The following SHISAL1 variants were observed in gnomAD, a reference collection of about 807,000 sequenced individuals.
SHISAL1 encodes shisa like 1.
SHISAL1 carries 9 observed loss-of-function variants against 22.6 expected under a neutral mutation model. The observed-to-expected ratio is 0.40, with a 90% CI of 0.24 to 0.70. The LOEUF (loss-of-function observed/expected upper bound fraction) is 0.70. Among genes scored for constraint, SHISAL1 ranks in the 30% least tolerant of loss-of-function variants. The probability of loss-of-function intolerance (pLI) is 0.39; values close to 1 mark genes in which losing one functional copy is unlikely to be tolerated. For missense variants in SHISAL1, 246 were observed against 270.6 expected, an observed-to-expected ratio of 0.91 and a Z score of 0.64; for synonymous variants, 119 against 115.4, an observed-to-expected ratio of 1.03 and a Z score of -0.20.
At chr22:44,289,753 G>C (rs1450347415) in intron 3 of SHISAL1, among the ~76,000 whole-genome samples, 1 of 152,194 alleles carries the variant, frequency 6.6e-6, no homozygotes, top group African/African-American at 2.4e-5. Context: ...CAGCCAGCTG[G>C]GAAGATTCAG....
the SHISAL1 span, among the ~76,000 whole-genome samples, chr22:44,330,557 G>A: frequency 5.9e-5 from 9 of 152,296 alleles, no homozygotes; most frequent in South Asian, 1.9e-3. Flanking sequence ...CAAGAGTGGG[G>A]GAGACCCTAG....
At chr22:44,322,800 C>T in the SHISAL1 span, among the ~76,000 whole-genome samples, 1 of 152,254 alleles carries the variant, frequency 6.6e-6, no homozygotes, top group Non-Finnish European at 1.5e-5. Flanking sequence ...TCCAGCTACA[C>T]AACGCATCCC....
chr22:44,318,508 A>C, the SHISAL1 span, among the ~76,000 whole-genome samples: 1 of 152,208 alleles, frequency 6.6e-6, no homozygotes, highest in African/African-American at 2.4e-5. Context: ...CAGGACGTGC[A>C]GGCTGGCCTG....
intron 2 of SHISAL1, among the ~76,000 whole-genome samples, chr22:44,300,356 C>G (rs1183736639): frequency 6.6e-6 from 1 of 152,200 alleles, no homozygotes; most frequent in Non-Finnish European, 1.5e-5. Context: ...GCTCTCAGCT[C>G]TAGCTGGGAG....
chr22:44,330,798 C>T, the SHISAL1 span, among the ~76,000 whole-genome samples: 21 of 152,204 alleles, frequency 1.4e-4, no homozygotes, highest in African/African-American at 5.1e-4. Context: ...CCGAGGCTGC[C>T]GCCGGGCCGG....
intron 4 of SHISAL1, among the ~76,000 whole-genome samples, chr22:44,267,925 C>G (rs947082852): frequency 7.9e-5 from 12 of 152,254 alleles, no homozygotes; most frequent in African/African-American, 2.9e-4. Context: ...CTGTCCTTAT[C>G]CTGCAGGCCC....
chr22:44,309,135 A>T (rs1229771793), intron 1 of SHISAL1, among the ~76,000 whole-genome samples: 1 of 152,008 alleles, frequency 6.6e-6, no homozygotes. Flanking sequence ...TCCTGACCCC[A>T]CTGGTCAGGG....
At chr22:44,318,343 G>C in the SHISAL1 span, among the ~76,000 whole-genome samples, 3 of 152,262 alleles carry the variant, frequency 2.0e-5, no homozygotes, top group Admixed American at 2.0e-4. Context: ...CAAATTTCTG[G>C]GGAATGGAGA....
rs116169389 is a variant in SHISAL1, at chr22:44,307,633, G to T, written c.-33+5118C>A. Among the ~76,000 whole-genome samples, 720 of 152,300 alleles carry T rather than the reference G, an allele frequency of 4.7e-3. 10 individuals carry two copies. Among genetic ancestry groups the T allele is most frequent in the African/African-American group, 0.016 (683 of 41,558 alleles). On this transcript the variant is annotated intron_variant, in intron 1 of 4. Transcript: ENST00000381176. Reference sequence around the variant, plus strand: ...GGACGTTCCTGAACGCTCGTTGTTTGACCATGGCCAGAATCACGAGTCAGG... The same window carrying T: ...GGACGTTCCTGAACGCTCGTTGTTTTACCATGGCCAGAATCACGAGTCAGG...
At position 44,255,993 on chromosome 22, in the gene SHISAL1, C is replaced by T. The variant is rs76819989; in HGVS notation, c.*-6308G>A. On this transcript the variant is annotated intron_variant, in intron 4 of 4. Coordinates refer to ENST00000381176, the MANE Select transcript of SHISAL1 (RefSeq NM_001099294.2). ...TCCTCCCCTGTGCAGGTGGCTTCAT[C>T]CAACCCGCTGGAGGCCTAAACAGAA... Among the ~76,000 whole-genome samples the T allele has an allele frequency of 8.6e-3, 1,313 of 152,292 alleles. 20 individuals carry two copies. The highest frequency in any genetic ancestry group is 0.03 in the African/African-American group (1,250 of 41,562).
intron 1 of SHISAL1, among the ~76,000 whole-genome samples, chr22:44,305,581 C>G (rs3918403): frequency 0.72 from 108,984 of 152,192 alleles, 39,280 homozygotes; most frequent in East Asian, 0.9. Context: ...TTAGGAGTTC[C>G]AGGGACTGGG....
chr22:44,258,346 G>A (rs1360201228), intron 4 of SHISAL1, among the ~76,000 whole-genome samples: 1 of 152,132 alleles, frequency 6.6e-6, no homozygotes, highest in Admixed American at 6.5e-5. Context: ...TAAATATGCA[G>A]GACGTGCAGG....
At chr22:44,266,423 C>T (rs1207355214) in intron 4 of SHISAL1, among the ~76,000 whole-genome samples, 6 of 92,882 alleles carry the variant, frequency 6.5e-5, no homozygotes, top group Non-Finnish European at 1.2e-4. Context: ...TGTTGGGGGG[C>T]TGTGTGTGTG....
In SHISAL1 at chr22:44,249,678, A is replaced by G. The variant is rs1443310548; in HGVS notation, c.*7T>C. 1.3e-6 allele frequency: 1 copy of G among 779,558 alleles called. No homozygotes were observed. Among genetic ancestry groups the G allele is most frequent in the South Asian group, 1.3e-5 (1 of 74,542 alleles). The allele number at this position is 779,558 out of a possible 1,614,324, so 48.3% of individuals were successfully genotyped here. ...CTCCCCCATCCTGAGGCACAGCAAA[A>G]GCGTTTTCTGGAGGAAATACAAGGA... On this transcript the variant is annotated 3_prime_UTR_variant, in exon 5 of 5. Coordinates refer to ENST00000381176, the MANE Select transcript of SHISAL1 (RefSeq NM_001099294.2).
rs368266374 is a variant in SHISAL1 at position 44,296,689 on chromosome 22, G to A, written c.264C>T (p.Ser88=). Residue 88 remains serine, a synonymous_variant, in exon 3 of 5, where the codon TCC becomes TCT. Coordinates refer to ENST00000381176, the MANE Select transcript of SHISAL1 (RefSeq NM_001099294.2). ...GCACTCACTTGTGCATGTAACCCTCGGAGCTGGCCGTGAGGTTCGCCTGCA... is the reference window on the plus strand; with the variant it reads ...GCACTCACTTGTGCATGTAACCCTCAGAGCTGGCCGTGAGGTTCGCCTGCA... ...AVMQANLTAS[S]EGYMHNNYTA... is the part of the protein sequence containing the mutation. The A allele has an allele frequency of 1.5e-4, 237 of 1,613,606 alleles. No homozygotes were observed. The highest frequency in any genetic ancestry group is 5.8e-4 in the Admixed American group (35 of 60,014).
chr22:44,310,415 G>A lies in SHISAL1; in HGVS notation c.-33+2336C>T, dbSNP rs2055510214. Among the ~76,000 whole-genome samples, 2 of 152,218 alleles carry A rather than the reference G, an allele frequency of 1.3e-5. No individual in the cohort carries two copies. Among genetic ancestry groups the A allele is most frequent in the African/African-American group, 4.8e-5 (2 of 41,446 alleles). On this transcript the variant is annotated intron_variant, in intron 1 of 4. Transcript: ENST00000381176. This position sits in a 1 kb window ranked among gnomAD's most constrained non-coding sequence, Gnocchi z 4.0. ...TTTGCTCGACTCCAGACAGGGTGCT[G>A]GGGGCGACCACATAGGCTTTGCAGC...
chr22:44,271,086 C>T (rs1308662939), intron 4 of SHISAL1, among the ~76,000 whole-genome samples: 1 of 152,062 alleles, frequency 6.6e-6, no homozygotes, highest in African/African-American at 2.4e-5. Context: ...CTGAGCTAGG[C>T]CCTCCCCACA....
At chr22:44,251,027 C>G (rs1414256154) in intron 4 of SHISAL1, among the ~76,000 whole-genome samples, 2 of 152,238 alleles carry the variant, frequency 1.3e-5, no homozygotes, top group African/African-American at 4.8e-5. Context: ...TCCTCTGCTT[C>G]ATAGAACTAA....
intron 4 of SHISAL1, among the ~76,000 whole-genome samples, chr22:44,283,151 G>A (rs1392119493): frequency 1.3e-5 from 2 of 152,174 alleles, no homozygotes; most frequent in African/African-American, 2.4e-5. Context: ...GACGGTGCCC[G>A]TGAATCCAGC....
Sources: allele counts gnomAD v4.1 joint callset (sites outside exome capture counted in the v4.1 genomes callset), GRCh38; gene constraint gnomAD v4.1.1; non-coding constraint Gnocchi (gnomAD v3.1); transcripts MANE v1.5; gene names NCBI Gene and HGNC (gene_info 2026-07-23, HGNC 2026-07-21).